The following STAM2 variants were observed in gnomAD, a reference collection of about 807,000 sequenced individuals.
STAM2 encodes the protein signal transducing adapter molecule 2.
In STAM2, 51 loss-of-function variants were observed where a neutral mutation model predicts 65.6. The observed-to-expected ratio is 0.78, with a 90% confidence interval of 0.62 to 0.98. The LOEUF is 0.98. Ranked by LOEUF, STAM2 falls within the 50% of genes least tolerant of loss-of-function variation. The pLI, the probability that STAM2 is intolerant of heterozygous loss-of-function variation, is 0.00. For missense variants in STAM2, 584 were observed against 617.8 expected (o/e 0.95, Z 0.58); for synonymous variants, 198 against 208.4 (o/e 0.95, Z 0.43).
chr2:152,128,051 C>T (rs4473376), intron 11 of STAM2, among the ~76,000 whole-genome samples: 35,397 of 152,050 alleles, frequency 0.23, 4,203 homozygotes, highest in Admixed American at 0.31. Flanking sequence ...GTCTGAACTA[C>T]AACAACGAAA....
At position 152,123,708 on chromosome 2, in the gene STAM2, A is replaced by T. The variant is rs1015409060; in HGVS notation, c.1349+58T>A. ...TCTTAATAAGGGTCTATATATTCTCATTCTGAAAATCTAGGAAAATTAACA... is the reference window on the plus strand; with the variant it reads ...TCTTAATAAGGGTCTATATATTCTCTTTCTGAAAATCTAGGAAAATTAACA... On this transcript the variant is annotated intron_variant, in intron 13 of 13. Transcript: ENST00000263904. 16 of 1,519,870 alleles carry T rather than the reference A, an allele frequency of 1.1e-5. No individual in the cohort carries two copies. The East Asian group carries it at 3.0e-4, about 28-fold the overall frequency. 94.1% of individuals were successfully genotyped at this position (1,519,870 alleles called of 1,614,324 possible). A position where few individuals can be genotyped will look rare whatever the true frequency, so the allele number is the denominator to read the frequency against.
intron 7 of STAM2, among the ~76,000 whole-genome samples, chr2:152,137,688 C>T (rs1689180495): frequency 6.6e-6 from 1 of 152,048 alleles, no homozygotes; most frequent in South Asian, 2.1e-4. Flanking sequence ...CCTTAAACTC[C>T]TAAATCTATT....
intron 1 of STAM2, among the ~76,000 whole-genome samples, chr2:152,166,189 A>G (rs761852889): frequency 1.2e-4 from 18 of 148,224 alleles, no homozygotes; most frequent in Admixed American, 6.9e-4. Context: ...CAACAACAAC[A>G]ACGACAAAGC....
intron 1 of STAM2, among the ~76,000 whole-genome samples, chr2:152,157,357 C>T (rs560775965): frequency 6.6e-5 from 10 of 152,168 alleles, no homozygotes; most frequent in Non-Finnish European, 1.5e-4. Context: ...ATGTTGAAGC[C>T]GTAATCCCCA....
At chr2:152,128,579 T>C (rs928846591) in intron 11 of STAM2, among the ~76,000 whole-genome samples, 4 of 152,158 alleles carry the variant, frequency 2.6e-5, no homozygotes, top group African/African-American at 7.2e-5. Context: ...GATCACTGTG[T>C]TTGAAATCCC....
intron 10 of STAM2, 33 bp downstream of exon 10, chr2:152,133,140 A>C (rs764537185): frequency 3.5e-5 from 40 of 1,129,014 alleles, no homozygotes; most frequent in South Asian, 5.1e-5. Context: ...ATATTAAATA[A>C]TATTAAAATA....
At chr2:152,135,867 A>C (rs1560213491) in intron 7 of STAM2, among the ~76,000 whole-genome samples, 1 of 152,210 alleles carries the variant, frequency 6.6e-6, no homozygotes, top group Non-Finnish European at 1.5e-5. Context: ...AGGTGGACAG[A>C]TCACCAGAGG....
chr2:152,161,515 AAC>A (rs1237153876), intron 1 of STAM2, among the ~76,000 whole-genome samples: 78 of 150,006 alleles, frequency 5.2e-4, no homozygotes, highest in Middle Eastern at 6.8e-3. Flanking sequence ...AAAAAAAAAA[AAC>A]ATTATATATA....
chr2:152,123,710 T>C (rs899135359), intron 13 of STAM2, 56 bp downstream of exon 13: 19 of 1,521,446 alleles, frequency 1.2e-5, no homozygotes, highest in Non-Finnish European at 1.6e-5. Context: ...ATATTCTCAT[T>C]CTGAAAATCT....
chr2:152,148,240 A>G lies in STAM2; in HGVS notation c.186T>C (p.Ala62=), dbSNP rs1689372414. ...TTGTACTCACAGTTAGTGCTTGCAG[A>G]GCAACATGTGGAACCTTATGATTTA... ...KRVNHKVPHV[A]LQALTLLGAC... Residue 62 remains alanine, a synonymous_variant, in exon 3 of 14, where the codon GCT becomes GCC. Coordinates refer to ENST00000263904, the MANE Select transcript of STAM2 (RefSeq NM_005843.6). 8.1e-6 allele frequency: 13 copies of G among 1,611,184 alleles called. No homozygotes were observed. The highest frequency in any genetic ancestry group is 1.1e-5 in the Non-Finnish European group (13 of 1,178,812).
At chr2:152,144,506 TATC>T (rs1689304049) in intron 6 of STAM2, among the ~76,000 whole-genome samples, 1 of 152,226 alleles carries the variant, frequency 6.6e-6, no homozygotes. Flanking sequence ...CTAGTTTTAT[TATC>T]ATTTTTATTT....
Position 152,120,189 on chromosome 2 carries a change from T to A in STAM2, c.*385A>T, listed in dbSNP as rs11693948. On this transcript the variant is annotated 3_prime_UTR_variant, in exon 14 of 14. Transcript: ENST00000263904. ...TACTGTTTATAAGTATGAGATACTT[T>A]TGACAAACTCACTCTGTCGATCATG... 70,158 of 176,056 alleles carry A rather than the reference T, an allele frequency of 0.4. 13,897 individuals are homozygous for A. The highest frequency in any genetic ancestry group is 0.71 in the East Asian group (4,799 of 6,774). The allele number at this position is 176,056 out of a possible 1,614,324, so 10.9% of individuals were successfully genotyped here. A position where few individuals can be genotyped will look rare whatever the true frequency, so the allele number is the denominator to read the frequency against.
In STAM2 at chr2:152,171,891, G is replaced by C. The variant is rs191971769; in HGVS notation, c.40+3712C>G. Reference sequence around the variant, plus strand: ...AAAGATTGCCTGGCTTGAGTAAAGGGAAAAAAGATATGCAAACAAGAACCG... The same window carrying C: ...AAAGATTGCCTGGCTTGAGTAAAGGCAAAAAAGATATGCAAACAAGAACCG... On this transcript the variant is annotated intron_variant, in intron 1 of 13. Coordinates refer to ENST00000263904, the MANE Select transcript of STAM2 (RefSeq NM_005843.6). 3.4e-3 allele frequency among the ~76,000 whole-genome samples: 513 copies of C among 152,246 alleles called. 3 individuals are homozygous for C. Among genetic ancestry groups the C allele is most frequent in the African/African-American group, 0.012 (495 of 41,570 alleles).
intron 4 of STAM2, among the ~76,000 whole-genome samples, chr2:152,147,592 A>G (rs1000417479): frequency 6.6e-6 from 1 of 152,194 alleles, no homozygotes; most frequent in Non-Finnish European, 1.5e-5. Context: ...GTTTCGGAGA[A>G]TGGAGCCAGA....
At chr2:152,151,388 G>A (rs1027341596) in intron 1 of STAM2, among the ~76,000 whole-genome samples, 6 of 151,938 alleles carry the variant, frequency 3.9e-5, no homozygotes, top group African/African-American at 1.2e-4. Context: ...CACCATATTG[G>A]TCAGGCTGGT....
chr2:152,168,679 A>T (rs892809030), intron 1 of STAM2, among the ~76,000 whole-genome samples: 5 of 152,252 alleles, frequency 3.3e-5, no homozygotes, highest in African/African-American at 4.8e-5. Context: ...CTGATGTGAA[A>T]CAAAAATAAA....
intron 1 of STAM2, among the ~76,000 whole-genome samples, chr2:152,163,529 T>G (rs1480349557): frequency 6.6e-6 from 1 of 152,082 alleles, no homozygotes; most frequent in Non-Finnish European, 1.5e-5. Flanking sequence ...AATATGAAAT[T>G]GGTGCACCTT....
intron 6 of STAM2, among the ~76,000 whole-genome samples, chr2:152,144,368 A>C (rs550680948): frequency 6.6e-6 from 1 of 152,282 alleles, no homozygotes; most frequent in Non-Finnish European, 1.5e-5. Flanking sequence ...ATCTCTCCAA[A>C]GGTAGCACAT....
rs546280992 is a variant in STAM2 at position 152,151,126 on chromosome 2, C to T, written c.41-897G>A. Among the ~76,000 whole-genome samples, 33 of 149,560 alleles carry T rather than the reference C, an allele frequency of 2.2e-4. No homozygotes were observed. In the East Asian group the frequency reaches 5.3e-3, roughly 24 times the overall value. ...AAATATGATTTGCTTGGGCTTATAA[C>T]GCTGAGTCAAAAAAGCTAACAGCAG... On this transcript the variant is annotated intron_variant, in intron 1 of 13. Coordinates refer to ENST00000263904, the MANE Select transcript of STAM2 (RefSeq NM_005843.6).
Sources: gnomAD v4.1 joint callset for allele counts (sites outside exome capture counted in the v4.1 genomes callset) on GRCh38, gnomAD v4.1.1 for gene constraint, MANE v1.5 for transcripts, NCBI Gene and HGNC (gene_info 2026-07-23, HGNC 2026-07-21) for gene names.